Variants in UGGT2 observed in about 807,000 individuals in gnomAD.
UGGT2 encodes UDP-glucose glycoprotein glucosyltransferase 2.
In UGGT2, 180 loss-of-function variants were observed where a neutral mutation model predicts 192.1. The observed-to-expected ratio is 0.94, with a 90% CI of 0.83 to 1.06. The LOEUF (loss-of-function observed/expected upper bound fraction) is 1.06, where lower values mean the gene tolerates loss of function less well. Among genes scored for constraint, UGGT2 ranks in the 50% least tolerant of loss-of-function variants. The pLI, the probability that UGGT2 is intolerant of heterozygous loss-of-function variation, is 0.00. For missense variants in UGGT2, 1,849 were observed against 1,795.7 expected, an observed-to-expected ratio of 1.03 and a Z score of -0.54; for synonymous variants, 580 against 591.0, an observed-to-expected ratio of 0.98 and a Z score of 0.27.
chr13:95,918,132 T>C (rs1173551359), intron 20 of UGGT2, among the ~76,000 whole-genome samples: 1 of 152,212 alleles, frequency 6.6e-6, no homozygotes, highest in African/African-American at 2.4e-5. Flanking sequence ...GATCACATAA[T>C]TGGAAGTAAA....
Position 96,041,773 on chromosome 13 carries a change from T to TGGG in UGGT2, c.159-9803_159-9802insCCC, listed in dbSNP as rs1177850490. Among the ~76,000 whole-genome samples the TGGG allele has an allele frequency of 1.3e-3, 194 of 152,210 alleles. 6 individuals carry two copies. The South Asian group carries it at 0.038, about 30-fold the overall frequency. ...GCTTTCCCCCACTTCCCTGACAACC[T>TGGG]GCATGACAAAGCAGAGGCAGCCATA... On this transcript the variant is annotated intron_variant, in intron 1 of 38. Transcript: ENST00000376747.
intron 14 of UGGT2, 127 bp from the exon 15 acceptor site, chr13:95,947,299 G>C: frequency 2.0e-6 from 2 of 1,023,124 alleles, no homozygotes; most frequent in South Asian, 2.2e-5. Flanking sequence ...GAGAAAAGGA[G>C]AATTTTATCA....
chr13:95,929,510 C>A (rs1341312451), intron 17 of UGGT2, among the ~76,000 whole-genome samples: 1 of 152,138 alleles, frequency 6.6e-6, no homozygotes, highest in Non-Finnish European at 1.5e-5. Context: ...TCTATGAGTA[C>A]CAAATGTTTA....
intron 20 of UGGT2, among the ~76,000 whole-genome samples, chr13:95,916,775 G>A (rs533325415): frequency 2.8e-4 from 43 of 151,916 alleles, no homozygotes; most frequent in Non-Finnish European, 4.4e-4. Context: ...ATCAATAACC[G>A]AACAGACCAA....
intron 12 of UGGT2, among the ~76,000 whole-genome samples, chr13:95,967,655 G>A (rs1245253054): frequency 6.6e-6 from 1 of 151,722 alleles, no homozygotes; most frequent in Non-Finnish European, 1.5e-5. Context: ...TGTACATTTA[G>A]TAGAGACGGG....
At chr13:95,944,056 C>A (rs1262332014) in intron 15 of UGGT2, among the ~76,000 whole-genome samples, 4 of 151,818 alleles carry the variant, frequency 2.6e-5, no homozygotes, top group Non-Finnish European at 5.9e-5. Flanking sequence ...TTTAGAGATT[C>A]TTTGAATTTG....
chr13:95,824,858 T>G (rs1403570141), intron 38 of UGGT2, among the ~76,000 whole-genome samples: 1 of 152,184 alleles, frequency 6.6e-6, no homozygotes, highest in African/African-American at 2.4e-5. Context: ...TGTTTTGTCA[T>G]ATTACCAGAA....
chr13:95,934,675 C>G (rs941270689), intron 17 of UGGT2, among the ~76,000 whole-genome samples: 1 of 152,138 alleles, frequency 6.6e-6, no homozygotes, highest in Non-Finnish European at 1.5e-5. Flanking sequence ...TGACGCCTGG[C>G]TAAGTTTTAA....
chr13:95,893,330 T>A lies in UGGT2; in HGVS notation c.2855+1232A>T, dbSNP rs969070374. Among the ~76,000 whole-genome samples, 7 of 152,180 alleles carry A rather than the reference T, an allele frequency of 4.6e-5. No homozygotes were observed. The East Asian group carries it at 5.8e-4, about 13-fold the overall frequency. ...AAGCAGAATGGCAAAGATATAATAC[T>A]GTGTTTAAATATATATATACATGTA... On this transcript the variant is annotated intron_variant, in intron 24 of 38. Coordinates refer to ENST00000376747, the MANE Select transcript of UGGT2 (RefSeq NM_020121.4).
intron 37 of UGGT2, among the ~76,000 whole-genome samples, chr13:95,836,664 C>T (rs929090341): frequency 6.6e-6 from 1 of 152,178 alleles, no homozygotes; most frequent in Non-Finnish European, 1.5e-5. Flanking sequence ...AATAAATGTC[C>T]TTAGTAGGTA....
In UGGT2 at chr13:95,832,634, A is replaced by G. The variant is rs1480355029; in HGVS notation, c.4528+293T>C. The stretch of plus-strand genomic sequence containing the variant: ...GGAAATTCAGTGCAATCTTAAAGAC[A>G]AACACTCCTTTTACTTTTATTTTTC... On this transcript the variant is annotated intron_variant, in intron 38 of 38. Coordinates refer to ENST00000376747, the MANE Select transcript of UGGT2 (RefSeq NM_020121.4). 3 of 445,362 alleles carry G rather than the reference A, an allele frequency of 6.7e-6. No homozygotes were observed. The Admixed American group carries it at 8.4e-5, about 13-fold the overall frequency. The allele number at this position is 445,362 out of a possible 1,614,324, so 27.6% of individuals were successfully genotyped here.
At chr13:96,051,891 T>C (rs948656254) in intron 1 of UGGT2, among the ~76,000 whole-genome samples, 2 of 152,194 alleles carry the variant, frequency 1.3e-5, no homozygotes, top group African/African-American at 4.8e-5. Context: ...GAATGTAAAC[T>C]AGTATAACCA....
intron 38 of UGGT2, among the ~76,000 whole-genome samples, chr13:95,802,890 G>C (rs529700527): frequency 1.1e-4 from 16 of 152,274 alleles, no homozygotes; most frequent in Non-Finnish European, 1.9e-4. Context: ...CTGGAGTGCA[G>C]TGGTGTGATC....
rs1303320312 is a variant in UGGT2, at chr13:95,997,305, C to G, written c.758-1170G>C. On this transcript the variant is annotated intron_variant, in intron 6 of 38. Transcript: ENST00000376747. ...GATATAGAAAAGAGAAGAGCATTCT[C>G]TAACAGAGCAGCAAGATAGGCAGCC... Among the ~76,000 whole-genome samples the G allele has an allele frequency of 2.0e-5, 3 of 152,104 alleles. No individual in the cohort carries two copies. In the East Asian group the frequency reaches 5.8e-4, roughly 29 times the overall value.
intron 1 of UGGT2, among the ~76,000 whole-genome samples, chr13:96,035,170 C>T (rs745985089): frequency 6.6e-6 from 1 of 152,178 alleles, no homozygotes; most frequent in Admixed American, 6.5e-5. Context: ...AACTATACTA[C>T]AAGGTTACAG....
chr13:95,950,864 G>A (rs1027287737), intron 12 of UGGT2, among the ~76,000 whole-genome samples: 10 of 152,092 alleles, frequency 6.6e-5, no homozygotes, highest in African/African-American at 2.4e-4. Flanking sequence ...CAGATCAACT[G>A]TTATAGTAAC....
rs150786139 is a variant in UGGT2 at position 95,900,841 on chromosome 13, C to T, written c.2600G>A (p.Arg867His). The change falls in exon 22 of 39, where the codon CGT becomes CAT. Residue 867 changes from arginine (R) to histidine (H), a missense_variant. Coordinates refer to ENST00000376747, the MANE Select transcript of UGGT2 (RefSeq NM_020121.4). The part of the protein sequence containing the change: ...QLFCQDVLKL[R>H]PGEMGIVSNG... The stretch of plus-strand genomic sequence containing the variant: ...GCTGACAATACCCATTTCTCCAGGA[C>T]GTAATTTAAGTACATCTTGACAGAA... 73 of 1,611,098 alleles carry T rather than the reference C, an allele frequency of 4.5e-5. No homozygotes were observed. Among genetic ancestry groups the T allele is most frequent in the African/African-American group, 5.3e-5 (4 of 74,774 alleles).
intron 15 of UGGT2, among the ~76,000 whole-genome samples, chr13:95,943,834 G>T (rs950849269): frequency 1.3e-5 from 2 of 151,986 alleles, no homozygotes; most frequent in Non-Finnish European, 2.9e-5. Context: ...AGTGTTGACA[G>T]TGGGTACCTT....
At chr13:96,036,440 T>A (rs550341809) in intron 1 of UGGT2, among the ~76,000 whole-genome samples, 9 of 152,188 alleles carry the variant, frequency 5.9e-5, no homozygotes, top group African/African-American at 1.9e-4. Flanking sequence ...AGAAGAAAGT[T>A]AATGGATGCT....
Sources: gnomAD v4.1 joint callset for allele counts (sites outside exome capture counted in the v4.1 genomes callset) on GRCh38, gnomAD v4.1.1 for gene constraint, MANE v1.5 for transcripts, NCBI Gene and HGNC (gene_info 2026-07-23, HGNC 2026-07-21) for gene names.